The following PM20D1 variants were observed in gnomAD, a reference collection of about 807,000 sequenced individuals.
PM20D1 encodes N-fatty-acyl-amino acid synthase/hydrolase PM20D1.
A neutral mutation model predicts 53.8 loss-of-function variants in PM20D1; 53 were observed. That is an observed-to-expected ratio of 0.98 (90% CI 0.79 to 1.24). PM20D1 has a LOEUF of 1.24. PM20D1 is among the 50% of genes most tolerant of loss of function. PM20D1 has a pLI of 0.00. For missense variants in PM20D1, 564 were observed against 616.8 expected, an observed-to-expected ratio of 0.91 and a Z score of 0.91; for synonymous variants, 239 against 241.3, an observed-to-expected ratio of 0.99 and a Z score of 0.09.
chr1:205,849,824 G>A (rs976421512), intron 1 of PM20D1, 80 bp downstream of exon 1: 1 of 1,505,260 alleles, frequency 6.6e-7, no homozygotes, highest in Non-Finnish European at 9.0e-7. Flanking sequence ...CTTTGCGGCG[G>A]AAGCGGGGAG....
rs373311318 is a variant in PM20D1, at chr1:205,844,091, C to T, written c.703G>A (p.Ala235Thr). 2.2e-5 allele frequency: 36 copies of T among 1,610,146 alleles called. 1 individual carries two copies. Among genetic ancestry groups the T allele is most frequent in the East Asian group, 2.2e-4 (10 of 44,866 alleles). ...DFIPNFKKPI[A>T]LIAVSEKGSM... ...GGGGTGGGATGCTTTACTCACAAGG[C>T]GATGGGCTTCTTGAAGTTAGGAATG... Residue 235 changes from alanine (A) to threonine (T), a missense_variant, in exon 5 of 13, where the codon GCC (alanine) becomes ACC (threonine). Physicochemically the swap from Ala to Thr is moderately conservative, Grantham distance 58. Transcript: ENST00000367136.
intron 8 of PM20D1, 96 bp downstream of exon 8, chr1:205,842,058 G>T: frequency 7.6e-7 from 1 of 1,308,544 alleles, no homozygotes; most frequent in Non-Finnish European, 1.1e-6. Context: ...GTGGCTGAGG[G>T]ATGATTAGTC....
chr1:205,840,135 T>A, intron 10 of PM20D1, 117 bp downstream of exon 10: 1 of 778,280 alleles, frequency 1.3e-6, no homozygotes. Flanking sequence ...CTTTGAAAAA[T>A]GTTGGTTGAA....
At chr1:205,845,251 C>A in intron 3 of PM20D1, 74 bp downstream of exon 3, 1 of 1,447,910 alleles carries the variant, frequency 6.9e-7, no homozygotes, top group Non-Finnish European at 9.7e-7. Context: ...CTCCCACCTC[C>A]CAGGGTCAGC....
At chr1:205,842,963 CT>C (rs1656850700) in intron 6 of PM20D1, among the ~76,000 whole-genome samples, 1 of 152,168 alleles carries the variant, frequency 6.6e-6, no homozygotes, top group South Asian at 2.1e-4. Context: ...CATTAGGGTC[CT>C]TCTTTCCTCC....
intron 2 of PM20D1, 98 bp from the exon 3 acceptor site, chr1:205,845,655 T>C: frequency 3.0e-6 from 3 of 992,296 alleles, no homozygotes; most frequent in Non-Finnish European, 2.9e-6. Context: ...TATTTATTTT[T>C]TTAAACATGC....
chr1:205,829,981 A>G, intron 12 of PM20D1: 1 of 285,198 alleles, frequency 3.5e-6, no homozygotes, highest in Non-Finnish European at 6.6e-6. Flanking sequence ...CCCTCTCCCA[A>G]AGAGAGGAAG....
At chr1:205,839,788 A>G (rs1180925100) in intron 10 of PM20D1, among the ~76,000 whole-genome samples, 3 of 152,000 alleles carry the variant, frequency 2.0e-5, no homozygotes, top group Middle Eastern at 3.4e-3. Flanking sequence ...GCACGTGCCT[A>G]TAGTCCCAGC....
intron 11 of PM20D1, 73 bp downstream of exon 11, chr1:205,832,525 G>T (rs1656581709): frequency 2.0e-6 from 3 of 1,518,928 alleles, no homozygotes; most frequent in Non-Finnish European, 2.7e-6. Context: ...GGGTGGGGGT[G>T]GGGAAGTAGA....
At chr1:205,841,677 T>C in intron 9 of PM20D1, 134 bp downstream of exon 9, 1 of 893,862 alleles carries the variant, frequency 1.1e-6, no homozygotes, top group Non-Finnish European at 1.8e-6. Flanking sequence ...CAGAAAGGCC[T>C]ATGTCTTTGC....
intron 10 of PM20D1, among the ~76,000 whole-genome samples, chr1:205,839,087 C>T (rs4264050): frequency 0.61 from 92,920 of 152,054 alleles, 28,853 homozygotes; most frequent in Non-Finnish European, 0.65. Context: ...TTCTCTCCTG[C>T]CACAGATTTC....
At chr1:205,842,008 GAGATGTCTTAA>G (rs1253162495) in intron 8 of PM20D1, 119 bp from the exon 9 acceptor site, 5 of 1,197,944 alleles carry the variant, frequency 4.2e-6, no homozygotes, top group Non-Finnish European at 6.1e-6. Context: ...AGACGTCTTA[GAGATGTCTTAA>G]ATATACACAC....
chr1:205,839,991 A>G (rs1435586357), intron 10 of PM20D1, among the ~76,000 whole-genome samples: 1 of 151,788 alleles, frequency 6.6e-6, no homozygotes, highest in African/African-American at 2.4e-5. Context: ...TACTACATAT[A>G]TATAATGTTA....
chr1:205,837,167 C>T (rs1023487126), intron 10 of PM20D1, among the ~76,000 whole-genome samples: 5 of 152,196 alleles, frequency 3.3e-5, no homozygotes, highest in Non-Finnish European at 7.3e-5. Context: ...TCTTGTTCAC[C>T]ATTCTCCCAA....
At chr1:205,833,174 A>T (rs965355985) in intron 10 of PM20D1, among the ~76,000 whole-genome samples, 1 of 152,244 alleles carries the variant, frequency 6.6e-6, no homozygotes, top group African/African-American at 2.4e-5. Flanking sequence ...GAAAAGCACC[A>T]TTTCAGCCAG....
At chr1:205,835,549 G>T (rs1254511712) in intron 10 of PM20D1, among the ~76,000 whole-genome samples, 4 of 151,216 alleles carry the variant, frequency 2.6e-5, no homozygotes, top group Non-Finnish European at 5.9e-5. Context: ...CTGCTCGGGA[G>T]GCTGAGGCAG....
chr1:205,831,152 GCTGGGA>G (rs1419069427), intron 11 of PM20D1, among the ~76,000 whole-genome samples: 2 of 152,204 alleles, frequency 1.3e-5, no homozygotes, highest in African/African-American at 2.4e-5. Context: ...CCTAGCAGAG[GCTGGGA>G]CTTGTGCCCA....
At chr1:205,843,897 T>A (rs563241562) in intron 5 of PM20D1, 111 bp from the exon 6 acceptor site, 2 of 1,501,090 alleles carry the variant, frequency 1.3e-6, no homozygotes, top group African/African-American at 2.8e-5. Flanking sequence ...GGTAGCTTCA[T>A]GCTGCTTTAA....
intron 9 of PM20D1, 52 bp from the exon 10 acceptor site, chr1:205,840,375 A>C: frequency 6.6e-7 from 1 of 1,524,176 alleles, no homozygotes; most frequent in Non-Finnish European, 9.1e-7. Flanking sequence ...AATCTTCTAC[A>C]TCTGCCTGCC....
Sources: allele counts gnomAD v4.1 joint callset (sites outside exome capture counted in the v4.1 genomes callset), GRCh38; gene constraint gnomAD v4.1.1; transcripts MANE v1.5; gene names NCBI Gene and HGNC (gene_info 2026-07-23, HGNC 2026-07-21).